COL22A1: variants seen among roughly 807,000 people sequenced by gnomAD.
The protein encoded by COL22A1 is collagen type XXII alpha 1 chain, also known as collagen alpha-1(XXII) chain.
In COL22A1, 221 loss-of-function variants were observed where a neutral mutation model predicts 248.9. The ratio of observed to expected loss-of-function variants is 0.89; its 90% CI spans 0.80 to 0.99. The LOEUF (loss-of-function observed/expected upper bound fraction) is 0.99. COL22A1 is among the 50% of genes least tolerant of loss of function. The pLI is 0.00. For synonymous variants in COL22A1, 891 were observed against 793.4 expected (o/e 1.12, Z -2.07); for missense variants, 2,240 against 2,179.0 (o/e 1.03, Z -0.56).
chr8:138,837,808 G>A (rs187410306), intron 4 of COL22A1, among the ~76,000 whole-genome samples: 77 of 152,288 alleles, frequency 5.1e-4, no homozygotes, highest in African/African-American at 9.4e-4. Context: ...ATTAGATGTT[G>A]TCCCAGAGAA....
chr8:138,684,504 G>A (rs750498220), intron 38 of COL22A1, 35 bp from the exon 39 acceptor site: 6 of 1,527,018 alleles, frequency 3.9e-6, no homozygotes, highest in Admixed American at 1.7e-5. Flanking sequence ...CAATCATGGA[G>A]CTGAGAGTGA....
intron 23 of COL22A1, among the ~76,000 whole-genome samples, chr8:138,729,569 A>G (rs1830561350): frequency 2.6e-5 from 4 of 152,338 alleles, no homozygotes; most frequent in South Asian, 4.1e-4. Context: ...AGCAGCTGGA[A>G]GCAACTGTCT....
chr8:138,805,208 G>C (rs1817404400), intron 10 of COL22A1, among the ~76,000 whole-genome samples: 2 of 147,840 alleles, frequency 1.4e-5, no homozygotes, highest in Non-Finnish European at 3.0e-5. Context: ...GTGTGTGATG[G>C]GGTGTGTGTG....
At chr8:138,865,887 ATGTGTG>A (rs1447498834) in intron 3 of COL22A1, among the ~76,000 whole-genome samples, 1 of 139,116 alleles carries the variant, frequency 7.2e-6, no homozygotes, top group African/African-American at 2.7e-5. Context: ...GTGTATGTGT[ATGTGTG>A]TGCCTATTTG....
At position 138,594,067 on chromosome 8, in the gene COL22A1, C is replaced by A; in HGVS notation, c.4565G>T (p.Arg1522Leu). ...GRAGPMGEPG[R>L]PGQGGLEGPS... Reference sequence around the variant, plus strand: ...TCCTTCCAGACCCCCCTGCCCAGGACGACCTGGCTCCCCCATGGGGCCGGC... The same window carrying A: ...TCCTTCCAGACCCCCCTGCCCAGGAAGACCTGGCTCCCCCATGGGGCCGGC... The change falls in exon 63 of 65, where the codon CGT becomes CTT. Residue 1522 changes from arginine (R) to leucine (L), a missense_variant. By Grantham distance (102) the Arg-to-Leu change is moderately radical. Transcript: ENST00000303045. 6.3e-7 allele frequency: 1 copy of A among 1,590,240 alleles called. No homozygotes were observed. The highest frequency in any genetic ancestry group is 8.5e-7 in the Non-Finnish European group (1 of 1,172,226).
chr8:138,729,687 A>G (rs1830568454), intron 23 of COL22A1, among the ~76,000 whole-genome samples: 1 of 152,152 alleles, frequency 6.6e-6, no homozygotes, highest in South Asian at 2.1e-4. Context: ...CAAGTGGGAA[A>G]CGCCAGGTGT....
intron 22 of COL22A1, among the ~76,000 whole-genome samples, chr8:138,743,113 G>A (rs1401279354): frequency 6.6e-6 from 1 of 151,202 alleles, no homozygotes; most frequent in Non-Finnish European, 1.5e-5. Context: ...TGAGGGTGAT[G>A]GTGGTAGTGA....
At position 138,684,425 on chromosome 8, in the gene COL22A1, C is replaced by T. The variant is rs546367335; in HGVS notation, c.3012G>A (p.Lys1004=). The change falls in exon 39 of 65, where the codon AAG becomes AAA. Residue 1004 remains lysine (K), a splice_region_variant and synonymous_variant. Transcript: ENST00000303045. The part of the protein sequence containing the change: ...SPGLPGPLGT[K]AACGKVRGSE... ...ACAGTTTTCTTGGACAAGCACTCACCTTGGTTCCTAGGGGTCCAGGGAGTC... is the reference window on the plus strand; with the variant it reads ...ACAGTTTTCTTGGACAAGCACTCACTTTGGTTCCTAGGGGTCCAGGGAGTC... 6 of 1,608,178 alleles carry T rather than the reference C, an allele frequency of 3.7e-6. No individual in the cohort carries two copies. Among genetic ancestry groups the T allele is most frequent in the African/African-American group, 1.3e-5 (1 of 74,866 alleles).
intron 1 of COL22A1, among the ~76,000 whole-genome samples, chr8:138,905,900 G>T (rs1267933316): frequency 3.3e-5 from 5 of 151,992 alleles, no homozygotes; most frequent in African/African-American, 1.2e-4. Context: ...TGTCTGTGTT[G>T]TTACCTCAGA....
intron 7 of COL22A1, among the ~76,000 whole-genome samples, chr8:138,817,184 T>C (rs979561613): frequency 2.0e-5 from 3 of 152,206 alleles, no homozygotes; most frequent in Non-Finnish European, 4.4e-5. Flanking sequence ...TTGGGAGCAC[T>C]GGTAGCAGAG....
At chr8:138,676,478 G>GAAAGAAAGGAAGGAAGGAAGAAAGAAAGA in intron 41 of COL22A1, 80 bp downstream of exon 41, 1 of 397,796 alleles carries the variant, frequency 2.5e-6, no homozygotes, top group South Asian at 4.7e-5. Context: ...AGAAAGAAAA[G>GAAAGAAAGGAAGGAAGGAAGAAAGAAAGA]AGTGTTTCTG....
At chr8:138,721,959 T>C in intron 26 of COL22A1, 77 bp downstream of exon 26, 2 of 1,156,116 alleles carry the variant, frequency 1.7e-6, no homozygotes, top group African/African-American at 1.5e-5. Context: ...TGTTGTAGAA[T>C]TCACCAACAA....
In COL22A1 at chr8:138,774,115, C is replaced by T. The variant is rs374734423; in HGVS notation, c.1803+1851G>A. Among the ~76,000 whole-genome samples the T allele has an allele frequency of 3.3e-5, 5 of 152,074 alleles. No individual in the cohort carries two copies. The East Asian group carries it at 7.8e-4, about 24-fold the overall frequency. ...TGACCAGCAAACAAATCTACAGAAA[C>T]ATGTGAAAGCTCTCGGAAGAGGTAA... On this transcript the variant is annotated intron_variant, in intron 16 of 64. Transcript: ENST00000303045.
chr8:138,892,607 G>T (rs2132116958), intron 1 of COL22A1, among the ~76,000 whole-genome samples: 1 of 152,298 alleles, frequency 6.6e-6, no homozygotes, highest in African/African-American at 2.4e-5. Context: ...CCACACCCCT[G>T]TCCCTGGGAG....
At chr8:138,730,728 G>A (rs1830649257) in intron 23 of COL22A1, among the ~76,000 whole-genome samples, 2 of 152,136 alleles carry the variant, frequency 1.3e-5, no homozygotes, top group Admixed American at 6.5e-5. Context: ...CGAAGGCCAC[G>A]GAGCTCAGAG....
intron 7 of COL22A1, among the ~76,000 whole-genome samples, chr8:138,815,132 G>A (rs556868178): frequency 1.3e-5 from 2 of 152,172 alleles, no homozygotes; most frequent in African/African-American, 4.8e-5. Flanking sequence ...CACCATGATT[G>A]TGAAGCCTCC....
chr8:138,760,808 C>A (rs544480173), intron 17 of COL22A1, among the ~76,000 whole-genome samples: 1 of 152,290 alleles, frequency 6.6e-6, no homozygotes, highest in East Asian at 1.9e-4. Flanking sequence ...TCCTGCTCTT[C>A]AATGTCCCTG....
rs757913119 is a variant in COL22A1, at chr8:138,704,896, G to A, written c.2518-1549C>T. On this transcript the variant is annotated intron_variant, in intron 30 of 64. Transcript: ENST00000303045. The stretch of plus-strand genomic sequence containing the variant: ...TAAAAACCTTGAAAAAAGATTAGAC[G>A]AATGGCTAACTAGAATAAACAGCAT... 2.0e-5 allele frequency among the ~76,000 whole-genome samples: 3 copies of A among 151,908 alleles called. No homozygotes were observed. The East Asian group carries it at 5.8e-4, about 29-fold the overall frequency.
chr8:138,726,227 C>G (rs905106929), intron 23 of COL22A1, among the ~76,000 whole-genome samples: 1 of 151,884 alleles, frequency 6.6e-6, no homozygotes, highest in Non-Finnish European at 1.5e-5. Context: ...CATGGTGGCT[C>G]ACAACTGTAA....
Sources: allele counts gnomAD v4.1 joint callset (sites outside exome capture counted in the v4.1 genomes callset), GRCh38; gene constraint gnomAD v4.1.1; transcripts MANE v1.5; gene names NCBI Gene and HGNC (gene_info 2026-07-23, HGNC 2026-07-21).